The following SBF2 variants were observed in gnomAD, a reference collection of about 807,000 sequenced individuals.
The protein encoded by SBF2 is SET binding factor 2, also known as myotubularin-related protein 13.
SBF2 carries 112 observed loss-of-function variants against 225.2 expected under a neutral mutation model. The observed-to-expected ratio is 0.50, with a 90% confidence interval of 0.43 to 0.58. The LOEUF (loss-of-function observed/expected upper bound fraction) is 0.58, where lower values mean the gene tolerates loss of function less well. Among genes scored for constraint, SBF2 ranks in the 20% least tolerant of loss-of-function variants. SBF2 has a pLI of 0.00. For synonymous variants in SBF2, 763 were observed against 773.3 expected (o/e 0.99, Z 0.22); for missense variants, 1,996 against 2,206.2 (o/e 0.90, Z 1.91).
Position 9,962,066 on chromosome 11 carries a change from G to A in SBF2, c.1751C>T (p.Ala584Val). 6.2e-7 allele frequency: 1 copy of A among 1,613,966 alleles called. No individual in the cohort carries two copies. The highest frequency in any genetic ancestry group is 1.1e-5 in the South Asian group (1 of 91,076). The change falls in exon 16 of 40, where the codon GCA becomes GTA. Residue 584 changes from alanine to valine, a missense_variant. Physicochemically the swap from Ala to Val is moderately conservative, Grantham distance 64 (BLOSUM62 0). Coordinates refer to ENST00000256190, the MANE Select transcript of SBF2 (RefSeq NM_030962.4). ...AALRALKGKA[A>V]RQCLTDELGL... ...CAATTCATCAGTGAGACACTGTCTTGCTGCCTTTCCTTTAAGGGCTCTGAG... is the reference window on the plus strand; with the variant it reads ...CAATTCATCAGTGAGACACTGTCTTACTGCCTTTCCTTTAAGGGCTCTGAG...
intron 6 of SBF2, among the ~76,000 whole-genome samples, chr11:10,022,838 C>T (rs1307348035): frequency 2.6e-5 from 4 of 152,124 alleles, no homozygotes; most frequent in Admixed American, 2.6e-4. Context: ...AAGAGAGTTT[C>T]CAACAGCCTG....
At chr11:9,814,919 T>C (rs1854373892) in intron 29 of SBF2, among the ~76,000 whole-genome samples, 1 of 152,240 alleles carries the variant, frequency 6.6e-6, no homozygotes, top group African/African-American at 2.4e-5. Context: ...TTCAAGATTA[T>C]TTTCAGAATA....
intron 1 of SBF2, among the ~76,000 whole-genome samples, chr11:10,245,309 C>T (rs10743131): frequency 0.49 from 74,440 of 151,642 alleles, 18,626 homozygotes; most frequent in Non-Finnish European, 0.54. Context: ...CTCAAGAACC[C>T]GAGTCAGGAG....
At chr11:10,302,274 T>C (rs780715346) in intron 1 of SBF2, among the ~76,000 whole-genome samples, 26 of 152,236 alleles carry the variant, frequency 1.7e-4, no homozygotes, top group Non-Finnish European at 7.3e-5. Context: ...TGCCCAGATT[T>C]AACAAACTCC....
intron 1 of SBF2, among the ~76,000 whole-genome samples, chr11:10,278,092 A>C (rs1343640873): frequency 6.6e-6 from 1 of 152,220 alleles, no homozygotes; most frequent in Non-Finnish European, 1.5e-5. Context: ...TTATCTTCTT[A>C]GTTAACAATC....
intron 17 of SBF2, among the ~76,000 whole-genome samples, chr11:9,860,184 C>T (rs1857614958): frequency 6.6e-6 from 1 of 152,012 alleles, no homozygotes; most frequent in South Asian, 2.1e-4. Context: ...CACACTTTTT[C>T]CTCCTTCATT....
At chr11:10,144,801 C>G (rs1002886749) in intron 2 of SBF2, among the ~76,000 whole-genome samples, 10 of 152,158 alleles carry the variant, frequency 6.6e-5, no homozygotes, top group African/African-American at 2.4e-4. Context: ...TATTAGGAAC[C>G]ATAAACAATT....
chr11:10,094,904 C>T (rs1054485514), intron 2 of SBF2, among the ~76,000 whole-genome samples: 7 of 148,174 alleles, frequency 4.7e-5, no homozygotes, highest in Non-Finnish European at 8.9e-5. Context: ...ACTCATGAAG[C>T]ATAAAAAAAA....
At chr11:9,924,675 A>G (rs1290093343) in intron 16 of SBF2, among the ~76,000 whole-genome samples, 1 of 151,074 alleles carries the variant, frequency 6.6e-6, no homozygotes, top group Non-Finnish European at 1.5e-5. Flanking sequence ...CAGGCGATCC[A>G]CCCCCCTCAG....
chr11:9,888,273 G>C (rs1860501483), intron 17 of SBF2, among the ~76,000 whole-genome samples: 1 of 152,156 alleles, frequency 6.6e-6, no homozygotes, highest in African/African-American at 2.4e-5. Flanking sequence ...CAAGGGGGAG[G>C]ATCACTTGAG....
At position 9,781,624 on chromosome 11, in the gene SBF2, G is replaced by A; in HGVS notation, c.5334C>T (p.Asp1778=). The stretch of plus-strand genomic sequence containing the variant: ...CTTTACAGCTTGTGTCCTCACCTGA[G>A]TCATAGTAGCGCAGCTGGAACCAAA... The part of the protein sequence containing the change: ...DVTKHQLRYY[D]SGEDTSCKGH... Residue 1778 remains aspartate, a synonymous_variant, in exon 39 of 40, where the codon GAC becomes GAT. Coordinates refer to ENST00000256190, the MANE Select transcript of SBF2 (RefSeq NM_030962.4). 6.2e-7 allele frequency: 1 copy of A among 1,614,186 alleles called. No individual in the cohort carries two copies. Among genetic ancestry groups the A allele is most frequent in the Non-Finnish European group, 8.5e-7 (1 of 1,180,022 alleles).
chr11:9,920,240 C>G (rs983315530), intron 16 of SBF2, among the ~76,000 whole-genome samples: 1 of 149,498 alleles, frequency 6.7e-6, no homozygotes, highest in African/African-American at 2.5e-5. Flanking sequence ...ATATGTATAT[C>G]ATATATGTAT....
intron 5 of SBF2, among the ~76,000 whole-genome samples, chr11:10,029,014 G>A (rs954927144): frequency 6.6e-6 from 1 of 151,988 alleles, no homozygotes; most frequent in African/African-American, 2.4e-5. Context: ...AGATAGAAGA[G>A]AAGTAAAAAG....
intron 39 of SBF2, 35 bp from the exon 40 acceptor site, chr11:9,780,551 G>A (rs7926679): frequency 6.4e-7 from 1 of 1,570,952 alleles, no homozygotes. Flanking sequence ...CAGAGATGAA[G>A]GGCAGGGCTG....
intron 16 of SBF2, among the ~76,000 whole-genome samples, chr11:9,913,421 G>A (rs1862810546): frequency 6.6e-6 from 1 of 152,136 alleles, no homozygotes; most frequent in South Asian, 2.1e-4. Context: ...GACAAGTGTT[G>A]ATAAGGATGT....
intron 32 of SBF2, among the ~76,000 whole-genome samples, chr11:9,796,646 AAAGC>A (rs1334335302): frequency 1.3e-5 from 2 of 152,230 alleles, no homozygotes; most frequent in Admixed American, 1.3e-4. Flanking sequence ...AGATCCTGGG[AAAGC>A]AAGAATGAAT....
chr11:9,961,021 G>A (rs1416600330), intron 16 of SBF2: 1 of 152,074 alleles, frequency 6.6e-6, no homozygotes, highest in African/African-American at 2.4e-5. Flanking sequence ...GCTGTGCTTT[G>A]TTGTTTTTCT....
chr11:10,244,129 A>G (rs1466515290), intron 1 of SBF2, among the ~76,000 whole-genome samples: 1 of 152,210 alleles, frequency 6.6e-6, no homozygotes, highest in Non-Finnish European at 1.5e-5. Flanking sequence ...AGGCCAATAT[A>G]CATAACTCAA....
At chr11:10,130,294 G>A (rs1489279860) in intron 2 of SBF2, among the ~76,000 whole-genome samples, 47 of 151,302 alleles carry the variant, frequency 3.1e-4, no homozygotes, top group South Asian at 6.3e-4. Flanking sequence ...CGCAGGAGGC[G>A]GAGGTTGCAG....
Sources: allele counts gnomAD v4.1 joint callset (sites outside exome capture counted in the v4.1 genomes callset), GRCh38; gene constraint gnomAD v4.1.1; transcripts MANE v1.5; gene names NCBI Gene and HGNC (gene_info 2026-07-23, HGNC 2026-07-21).